The following PHF14 variants were observed in gnomAD, a reference collection of about 807,000 sequenced individuals.
PHF14 encodes PHD finger protein 14.
PHF14 carries 55 observed loss-of-function variants against 117.9 expected under a neutral mutation model. The observed-to-expected ratio is 0.47, with a 90% confidence interval of 0.38 to 0.58. The LOEUF is 0.58. PHF14 is among the 20% of genes least tolerant of loss of function. The pLI is 0.00. For missense variants in PHF14, 978 were observed against 1,122.2 expected (o/e 0.87, Z 1.84); for synonymous variants, 409 against 368.6 (o/e 1.11, Z -1.26).
At chr7:10,979,133 G>C (rs1033197227) in intron 2 of PHF14, among the ~76,000 whole-genome samples, 3 of 152,048 alleles carry the variant, frequency 2.0e-5, no homozygotes. Context: ...TATTGATTTT[G>C]TTATGGGGAG....
rs148167378 is a variant in PHF14, at chr7:11,037,733, C to G, written c.1980+642C>G. Reference sequence around the variant, plus strand: ...ACTTGACATATAAAACGGGTATTGACTTATTGTTAGAAAACATTTTAAGTC... The same window carrying G: ...ACTTGACATATAAAACGGGTATTGAGTTATTGTTAGAAAACATTTTAAGTC... On this transcript the variant is annotated intron_variant, in intron 10 of 17. Coordinates refer to ENST00000634607, the MANE Select transcript of PHF14 (RefSeq NM_001007157.2). Among the ~76,000 whole-genome samples, 6 of 152,158 alleles carry G rather than the reference C, an allele frequency of 3.9e-5. No individual in the cohort carries two copies. The East Asian group carries it at 1.2e-3, about 29-fold the overall frequency.
chr7:11,070,808 T>C (rs1314886594), intron 16 of PHF14, among the ~76,000 whole-genome samples: 1 of 152,242 alleles, frequency 6.6e-6, no homozygotes, highest in Non-Finnish European at 1.5e-5. Context: ...CTCAGGCTGT[T>C]AATTCAGAAT....
intron 2 of PHF14, among the ~76,000 whole-genome samples, chr7:10,976,928 A>G (rs563920617): frequency 6.6e-6 from 1 of 150,836 alleles, no homozygotes; most frequent in African/African-American, 2.4e-5. Context: ...TTGTATGTAT[A>G]GTTCTTGGTA....
Position 11,045,322 on chromosome 7 carries a change from C to G in PHF14, c.2312+2508C>G, listed in dbSNP as rs1005788623. Among the ~76,000 whole-genome samples the G allele has an allele frequency of 7.2e-5, 11 of 152,086 alleles. No individual in the cohort carries two copies. In the South Asian group the frequency reaches 2.3e-3, roughly 31 times the overall value. On this transcript the variant is annotated intron_variant, in intron 13 of 17. Transcript: ENST00000634607. ...TCAAATTTCCTTTGATCACTAGGGT[C>G]CTGTTACTGGACTCTTATTTCATGA...
intron 17 of PHF14, among the ~76,000 whole-genome samples, chr7:11,139,376 T>C (rs898269704): frequency 6.6e-6 from 1 of 152,196 alleles, no homozygotes; most frequent in Non-Finnish European, 1.5e-5. Context: ...GTTTGATACA[T>C]GACTTAGTGT....
chr7:10,985,476 G>C (rs1323540363), intron 3 of PHF14, among the ~76,000 whole-genome samples: 1 of 151,846 alleles, frequency 6.6e-6, no homozygotes, highest in East Asian at 1.9e-4. Context: ...GCAAAATAAT[G>C]ACCTGAAACT....
chr7:11,063,435 A>T, intron 16 of PHF14: 1 of 971,810 alleles, frequency 1.0e-6, no homozygotes, highest in Non-Finnish European at 1.2e-6. Flanking sequence ...AAAAAATAAC[A>T]ATCTTATATA....
At chr7:11,009,494 T>A (rs1380548503) in intron 4 of PHF14, among the ~76,000 whole-genome samples, 1 of 148,474 alleles carries the variant, frequency 6.7e-6, no homozygotes, top group African/African-American at 2.6e-5. Context: ...CACATATGAG[T>A]TTTATGTGTT....
chr7:11,111,450 G>A lies in PHF14; in HGVS notation c.2755G>A (p.Asp919Asn), dbSNP rs1320862843. ...CTACGGATGGATATGTCAGGAATGT[G>A]ATTCTTCATCTTCCAAGGTAAGGGG... ...TGYGWICQEC[D>N]SSSSKEDENE... The change falls in exon 17 of 18, where the codon GAT becomes AAT. Residue 919 changes from aspartate to asparagine, a missense_variant. Asp to Asn is a conservative substitution (Grantham distance 23). This residue lies in a region of PHF14 where 180 missense variants were observed against 195.4 expected (regional missense o/e 0.92). Transcript: ENST00000634607. 3 of 1,578,958 alleles carry A rather than the reference G, an allele frequency of 1.9e-6. No individual in the cohort carries two copies. The highest frequency in any genetic ancestry group is 1.7e-6 in the Non-Finnish European group (2 of 1,151,294).
At chr7:11,024,806 T>G (rs1233808979) in intron 6 of PHF14, among the ~76,000 whole-genome samples, 5 of 152,192 alleles carry the variant, frequency 3.3e-5, no homozygotes, top group African/African-American at 1.2e-4. Flanking sequence ...ACAAGGAGAT[T>G]AATGTGTTTT....
intron 5 of PHF14, 84 bp from the exon 6 acceptor site, chr7:11,022,784 G>A: frequency 1.6e-6 from 1 of 624,792 alleles, no homozygotes; most frequent in Non-Finnish European, 2.7e-6. Flanking sequence ...AGTATTTTGA[G>A]ATGGCAAGCG....
At chr7:11,095,016 C>T (rs1338591680) in intron 16 of PHF14, among the ~76,000 whole-genome samples, 1 of 151,962 alleles carries the variant, frequency 6.6e-6, no homozygotes, top group African/African-American at 2.4e-5. Context: ...TTCAAAGAAA[C>T]TTCAGAAACT....
At chr7:11,160,057 T>G (rs1788978632) in intron 17 of PHF14, among the ~76,000 whole-genome samples, 1 of 152,080 alleles carries the variant, frequency 6.6e-6, no homozygotes, top group Admixed American at 6.6e-5. Context: ...TTTCAACCCT[T>G]ATTCCCTCCT....
intron 7 of PHF14, among the ~76,000 whole-genome samples, chr7:11,029,378 T>C (rs559775342): frequency 9.8e-4 from 146 of 148,444 alleles, no homozygotes; most frequent in African/African-American, 3.7e-3. Context: ...AAAATGTTAC[T>C]TACTTTTCTG....
chr7:10,978,386 G>A (rs1283404688), intron 2 of PHF14, among the ~76,000 whole-genome samples: 2 of 152,178 alleles, frequency 1.3e-5, no homozygotes, highest in Non-Finnish European at 2.9e-5. Context: ...AGATTAGATT[G>A]ATGTAGAACA....
intron 16 of PHF14, chr7:11,104,105 T>A (rs555812628): frequency 1.0e-6 from 1 of 984,908 alleles, no homozygotes; most frequent in South Asian, 4.7e-5. Context: ...TACTCGCAGT[T>A]GCTTTATTTT....
intron 2 of PHF14, among the ~76,000 whole-genome samples, chr7:10,977,801 A>T (rs891432067): frequency 6.6e-6 from 1 of 152,214 alleles, no homozygotes; most frequent in Non-Finnish European, 1.5e-5. Flanking sequence ...CCAGTTTTGT[A>T]GGTCCAAAAC....
intron 17 of PHF14, among the ~76,000 whole-genome samples, chr7:11,122,374 CACACACACACAT>C (rs1409132572): frequency 2.9e-5 from 3 of 104,930 alleles, no homozygotes; most frequent in African/African-American, 1.3e-4. Context: ...CACACACACA[CACACACACACAT>C]ACATACACAC....
chr7:11,048,609 TAGAC>T (rs996089905), intron 13 of PHF14, among the ~76,000 whole-genome samples: 67 of 152,310 alleles, frequency 4.4e-4, no homozygotes, highest in African/African-American at 1.6e-3. Flanking sequence ...TTCATTGAAT[TAGAC>T]AGGCCATGGC....
Sources: gnomAD v4.1 joint callset for allele counts (sites outside exome capture counted in the v4.1 genomes callset) on GRCh38, gnomAD v4.1.1 for gene constraint, gnomAD v4.1.1 regional missense constraint, MANE v1.5 for transcripts, NCBI Gene and HGNC (gene_info 2026-07-23, HGNC 2026-07-21) for gene names.